Variants in WDR7 observed in about 807,000 individuals in gnomAD.
WDR7 encodes WD repeat domain 7, also known as WD repeat-containing protein 7.
A neutral mutation model predicts 169.4 loss-of-function variants in WDR7; 46 were observed. The ratio of observed to expected loss-of-function variants is 0.27; its 90% CI spans 0.21 to 0.35. The LOEUF (loss-of-function observed/expected upper bound fraction) is 0.35, where lower values mean the gene tolerates loss of function less well. WDR7 is among the 10% of genes least tolerant of loss of function. WDR7 has a pLI of 1.00. For synonymous variants in WDR7, 612 were observed against 666.8 expected (o/e 0.92, Z 1.27); for missense variants, 1,534 against 1,859.3 (o/e 0.83, Z 3.22).
intron 21 of WDR7, among the ~76,000 whole-genome samples, chr18:56,915,614 T>C (rs9653061): frequency 0.81 from 123,163 of 152,042 alleles, 50,386 homozygotes; most frequent in East Asian, 0.98. Flanking sequence ...ACTAGGCCAG[T>C]TGACTAGCCT....
At chr18:56,894,751 C>CTTGT (rs1031126639) in intron 21 of WDR7, among the ~76,000 whole-genome samples, 1 of 152,006 alleles carries the variant, frequency 6.6e-6, no homozygotes, top group African/African-American at 2.4e-5. Flanking sequence ...TAAAGCAGCC[C>CTTGT]TTGTAGTATC....
At chr18:56,868,302 T>C (rs2045909685) in intron 20 of WDR7, among the ~76,000 whole-genome samples, 1 of 152,166 alleles carries the variant, frequency 6.6e-6, no homozygotes, top group Non-Finnish European at 1.5e-5. Flanking sequence ...CAGATACTCC[T>C]TATAAATGAA....
At chr18:56,825,479 T>C (rs2045184856) in intron 20 of WDR7, among the ~76,000 whole-genome samples, 1 of 152,212 alleles carries the variant, frequency 6.6e-6, no homozygotes, top group Admixed American at 6.5e-5. Flanking sequence ...GATGCCTTCA[T>C]TATTGCTTCC....
At chr18:56,784,174 A>C (rs1472560114) in intron 19 of WDR7, among the ~76,000 whole-genome samples, 1 of 152,218 alleles carries the variant, frequency 6.6e-6, no homozygotes, top group Admixed American at 6.5e-5. Flanking sequence ...AGGAGAGATT[A>C]AAGAATTTTC....
chr18:56,716,141 T>G (rs913243556), intron 12 of WDR7, among the ~76,000 whole-genome samples: 3 of 152,074 alleles, frequency 2.0e-5, no homozygotes, highest in Non-Finnish European at 4.4e-5. Flanking sequence ...GATTTGTTAA[T>G]TATAAAACTA....
chr18:57,031,260 T>C (rs921568956), downstream of WDR7: 6 of 152,208 alleles, frequency 3.9e-5, no homozygotes, highest in Admixed American at 3.9e-4. Context: ...AGAACTTAAT[T>C]TTTTTTCTAG....
intron 16 of WDR7, among the ~76,000 whole-genome samples, chr18:56,768,161 T>G (rs1235990785): frequency 6.6e-6 from 1 of 152,228 alleles, no homozygotes; most frequent in Non-Finnish European, 1.5e-5. Context: ...TGGTCAAGTC[T>G]GAAGATTTTT....
At chr18:56,948,692 T>A (rs986249633) in intron 25 of WDR7, among the ~76,000 whole-genome samples, 9 of 152,230 alleles carry the variant, frequency 5.9e-5, no homozygotes, top group African/African-American at 2.2e-4. Flanking sequence ...TCCTTCATTT[T>A]AAAAACAGGC....
chr18:56,692,814 T>G (rs537979), intron 9 of WDR7, among the ~76,000 whole-genome samples: 14,699 of 152,266 alleles, frequency 0.097, 866 homozygotes, highest in Non-Finnish European at 0.13. Context: ...ATATTGGTTA[T>G]TACAGCTGCT....
chr18:57,020,657 A>C (rs1218277673), intron 26 of WDR7, 88 bp from the exon 27 acceptor site: 1 of 1,207,562 alleles, frequency 8.3e-7, no homozygotes, highest in Admixed American at 1.9e-5. Flanking sequence ...CCATGACGTA[A>C]CTTGTTCAAC....
At position 56,651,472 on chromosome 18, in the gene WDR7, C is replaced by T. The variant is rs2144379316; in HGVS notation, c.-124C>T. The T allele has an allele frequency of 6.5e-6, 1 of 152,674 alleles. No individual in the cohort carries two copies. The highest frequency in any genetic ancestry group is 1.5e-5 in the Non-Finnish European group (1 of 68,258). The allele number at this position is 152,674 out of a possible 1,614,324, so 9.5% of individuals were successfully genotyped here. On this transcript the variant is annotated 5_prime_UTR_variant, in exon 1 of 28. Transcript: ENST00000254442. Reference sequence around the variant, plus strand: ...ACGGATTATCCCAGCAGGATCTACGCACCCCGCATCCTCCGTAGTTCCGCC... The same window carrying T: ...ACGGATTATCCCAGCAGGATCTACGTACCCCGCATCCTCCGTAGTTCCGCC...
intron 26 of WDR7, among the ~76,000 whole-genome samples, chr18:57,012,978 G>A (rs78385734): frequency 0.014 from 2,132 of 152,258 alleles, 50 homozygotes; most frequent in African/African-American, 0.048. Context: ...TATCATACAT[G>A]CTACAAAAGT....
intron 21 of WDR7, among the ~76,000 whole-genome samples, chr18:56,915,706 G>A (rs940282362): frequency 6.6e-6 from 1 of 152,072 alleles, no homozygotes; most frequent in Non-Finnish European, 1.5e-5. Flanking sequence ...TATCCCTCAG[G>A]GGTGTTTGAA....
At chr18:57,009,193 G>A (rs181169361) in intron 26 of WDR7, among the ~76,000 whole-genome samples, 81 of 152,272 alleles carry the variant, frequency 5.3e-4, no homozygotes, top group Middle Eastern at 6.8e-3. Flanking sequence ...TATATCAAAA[G>A]TAGAAGGTTA....
At chr18:56,902,945 G>C (rs573931055) in intron 21 of WDR7, among the ~76,000 whole-genome samples, 18 of 152,220 alleles carry the variant, frequency 1.2e-4, no homozygotes, top group Non-Finnish European at 2.6e-4. Context: ...GTGAATTTTT[G>C]CAGGTTCTTT....
chr18:56,955,099 T>G (rs1231714545), intron 25 of WDR7, among the ~76,000 whole-genome samples: 1 of 152,194 alleles, frequency 6.6e-6, no homozygotes, highest in African/African-American at 2.4e-5. Context: ...ATATGGTGAT[T>G]ACAATAATGG....
chr18:56,772,859 A>G (rs1231068153), intron 16 of WDR7, among the ~76,000 whole-genome samples: 1 of 152,116 alleles, frequency 6.6e-6, no homozygotes, highest in East Asian at 1.9e-4. Context: ...TAGATTTGGT[A>G]AAGCAAGAAA....
chr18:56,946,401 TCTAGATGACAGCC>T (rs1243768955), intron 25 of WDR7, among the ~76,000 whole-genome samples: 1 of 152,224 alleles, frequency 6.6e-6, no homozygotes, highest in Non-Finnish European at 1.5e-5. Context: ...TTCTTTTAAA[TCTAGATGACAGCC>T]CGTTTTTGTT....
intron 1 of WDR7, among the ~76,000 whole-genome samples, chr18:56,670,410 A>G (rs1307653865): frequency 6.6e-6 from 1 of 152,304 alleles, no homozygotes; most frequent in South Asian, 2.1e-4. Flanking sequence ...CGAGTCGCCA[A>G]CTAGCTAGAG....
Sources: allele counts gnomAD v4.1 joint callset (sites outside exome capture counted in the v4.1 genomes callset), GRCh38; gene constraint gnomAD v4.1.1; transcripts MANE v1.5; gene names NCBI Gene and HGNC (gene_info 2026-07-23, HGNC 2026-07-21).